Variants in DYM observed in about 807,000 individuals in gnomAD.
DYM encodes the protein dyggve-Melchior-Clausen syndrome protein.
Under a neutral mutation model 93.1 loss-of-function variants are expected in DYM, and 78 were observed. That is an observed-to-expected ratio of 0.84 (90% confidence interval 0.70 to 1.01). The LOEUF is 1.01. Ranked by LOEUF, DYM falls within the 50% of genes least tolerant of loss-of-function variation. DYM has a pLI of 0.00. For missense variants in DYM, 789 were observed against 845.0 expected, an observed-to-expected ratio of 0.93 and a Z score of 0.82; for synonymous variants, 321 against 319.7, an observed-to-expected ratio of 1.00 and a Z score of -0.04.
intron 5 of DYM, among the ~76,000 whole-genome samples, chr18:49,375,324 T>C (rs767686755): frequency 3.3e-5 from 5 of 151,772 alleles, no homozygotes; most frequent in Non-Finnish European, 5.9e-5. Flanking sequence ...CACATATTCA[T>C]TGTCATTTTA....
chr18:49,309,270 T>C (rs986092357), intron 8 of DYM, among the ~76,000 whole-genome samples: 2 of 152,188 alleles, frequency 1.3e-5, no homozygotes, highest in Non-Finnish European at 2.9e-5. Context: ...ATGCTTACGC[T>C]ATGGATTTTC....
rs755776766 is a variant in DYM, at chr18:49,059,919, CTAAT to C, written c.2026-15719_2026-15716del. ...TATATTTTCACTCTTAAATATTAAC[CTAAT>C]TAAACAGGTAAGAACATTTTACCCT... On this transcript the variant is annotated intron_variant, in intron 17 of 17. Transcript: ENST00000675505. Among the ~76,000 whole-genome samples, 5 of 152,020 alleles carry C rather than the reference CTAAT, an allele frequency of 3.3e-5. No individual in the cohort carries two copies. In the East Asian group the frequency reaches 5.8e-4, roughly 18 times the overall value.
At chr18:49,426,754 CAT>C (rs2074329714) in intron 2 of DYM, among the ~76,000 whole-genome samples, 1 of 36,412 alleles carries the variant, frequency 2.7e-5, no homozygotes, top group African/African-American at 8.1e-5. Flanking sequence ...CACTGGAAAA[CAT>C]GTGTGTGTGT....
chr18:49,167,693 T>G (rs1285690038), intron 14 of DYM, among the ~76,000 whole-genome samples: 3 of 152,194 alleles, frequency 2.0e-5, no homozygotes, highest in East Asian at 3.8e-4. Context: ...TAAAGATATA[T>G]GATGTTTGTA....
At position 49,323,865 on chromosome 18, in the gene DYM, C is replaced by T. The variant is rs188716226; in HGVS notation, c.763+7999G>A. On this transcript the variant is annotated intron_variant, in intron 8 of 17. Transcript: ENST00000675505. ...CATTTGCTTTATAAAACATCTTTAA[C>T]GGATGGGCATGATGGCTGATGCCTG... is the stretch of plus-strand genomic sequence containing the variant. 4.8e-3 allele frequency among the ~76,000 whole-genome samples: 734 copies of T among 152,262 alleles called. 4 individuals are homozygous for T. The highest frequency in any genetic ancestry group is 8.4e-3 in the Non-Finnish European group (572 of 68,008).
intron 15 of DYM, among the ~76,000 whole-genome samples, chr18:49,123,451 T>G (rs1050780205): frequency 3.3e-5 from 5 of 152,186 alleles, no homozygotes; most frequent in African/African-American, 1.2e-4. Flanking sequence ...GACATATAAT[T>G]TAACTGTTAT....
intron 17 of DYM, among the ~76,000 whole-genome samples, chr18:49,081,171 G>T (rs1392028546): frequency 1.3e-5 from 2 of 150,542 alleles, no homozygotes; most frequent in Non-Finnish European, 3.0e-5. Flanking sequence ...GATGGAGGTT[G>T]TAGCGAGCTG....
At chr18:49,353,169 T>C (rs552659345) in intron 6 of DYM, among the ~76,000 whole-genome samples, 2 of 152,298 alleles carry the variant, frequency 1.3e-5, no homozygotes, top group East Asian at 3.9e-4. Context: ...ATTTAGATTA[T>C]CTATCCCCTA....
chr18:49,288,278 T>G (rs1161019387), intron 8 of DYM, among the ~76,000 whole-genome samples: 1 of 152,076 alleles, frequency 6.6e-6, no homozygotes, highest in Non-Finnish European at 1.5e-5. Flanking sequence ...ACAATAAAAA[T>G]TAAAAGCTTT....
At position 49,327,077 on chromosome 18, in the gene DYM, A is replaced by G. The variant is rs2062946429; in HGVS notation, c.763+4787T>C. Among the ~76,000 whole-genome samples the G allele has an allele frequency of 3.3e-5, 5 of 150,984 alleles. No homozygotes were observed. The South Asian group carries it at 8.4e-4, about 25-fold the overall frequency. ...AGAGAAAGGGGGAGAGAGAGAGAAG[A>G]AAGTACAGAATGAGACAGAAGAGGA... On this transcript the variant is annotated intron_variant, in intron 8 of 17. Transcript: ENST00000675505.
intron 10 of DYM, among the ~76,000 whole-genome samples, chr18:49,273,253 C>T (rs554148460): frequency 5.9e-5 from 9 of 152,290 alleles, no homozygotes; most frequent in Non-Finnish European, 1.2e-4. Flanking sequence ...AAGTTCAGTG[C>T]ATGAGCACTA....
chr18:49,432,348 A>G (rs1295764949), intron 1 of DYM, among the ~76,000 whole-genome samples: 1 of 149,668 alleles, frequency 6.7e-6, no homozygotes, highest in Admixed American at 6.6e-5. Flanking sequence ...AAAAAAAAAA[A>G]GAAAGAAAGA....
chr18:49,101,537 T>C (rs1200333170), intron 16 of DYM, among the ~76,000 whole-genome samples: 1 of 152,210 alleles, frequency 6.6e-6, no homozygotes, highest in East Asian at 1.9e-4. Context: ...TGAGAAGCTT[T>C]TCTGGAGTAG....
chr18:49,079,860 C>A (rs894094793), intron 17 of DYM, among the ~76,000 whole-genome samples: 4 of 151,430 alleles, frequency 2.6e-5, no homozygotes, highest in African/African-American at 7.3e-5. Context: ...CACCTTCCCC[C>A]CCTTTCTATT....
chr18:49,254,883 G>T (rs1161850562), intron 13 of DYM, among the ~76,000 whole-genome samples: 1 of 152,174 alleles, frequency 6.6e-6, no homozygotes, highest in African/African-American at 2.4e-5. Context: ...AAAGCATGGT[G>T]ACAAAGGTTA....
chr18:49,277,482 G>A (rs1202919656), intron 10 of DYM, among the ~76,000 whole-genome samples: 1 of 152,098 alleles, frequency 6.6e-6, no homozygotes, highest in Non-Finnish European at 1.5e-5. Flanking sequence ...GCACGTTTGG[G>A]CCCCCAAAAT....
At chr18:49,136,174 T>C (rs147983859) in intron 15 of DYM, among the ~76,000 whole-genome samples, 39 of 152,340 alleles carry the variant, frequency 2.6e-4, no homozygotes, top group African/African-American at 8.9e-4. Context: ...AAATTTGCAA[T>C]TTATTTCCTG....
intron 8 of DYM, among the ~76,000 whole-genome samples, chr18:49,306,447 GGATGTGT>G (rs1288172277): frequency 6.6e-6 from 1 of 152,160 alleles, no homozygotes; most frequent in East Asian, 1.9e-4. Flanking sequence ...TCTTGAACTG[GGATGTGT>G]GAATTCTTGG....
chr18:49,090,931 C>T (rs888344603), intron 17 of DYM, among the ~76,000 whole-genome samples: 1 of 152,106 alleles, frequency 6.6e-6, no homozygotes, highest in African/African-American at 2.4e-5. Flanking sequence ...GGTTTTGTAG[C>T]TATAAGAATG....
Sources: gnomAD v4.1 joint callset for allele counts (sites outside exome capture counted in the v4.1 genomes callset) on GRCh38, gnomAD v4.1.1 for gene constraint, MANE v1.5 for transcripts, NCBI Gene and HGNC (gene_info 2026-07-23, HGNC 2026-07-21) for gene names.